The following TAFA4 variants were observed in gnomAD, a reference collection of about 807,000 sequenced individuals.
The protein encoded by TAFA4 is TAFA chemokine like family member 4.
In TAFA4, 20 loss-of-function variants were observed where a neutral mutation model predicts 21.1. The ratio of observed to expected loss-of-function variants is 0.95; its 90% CI spans 0.67 to 1.38. The LOEUF (loss-of-function observed/expected upper bound fraction) is 1.38. TAFA4 is among the 40% of genes most tolerant of loss of function. The pLI is 0.00. For missense variants in TAFA4, 211 were observed against 180.9 expected, an observed-to-expected ratio of 1.17 and a Z score of -0.95; for synonymous variants, 71 against 67.4, an observed-to-expected ratio of 1.05 and a Z score of -0.26.
chr3:68,872,088 A>G (rs1575651360), intron 3 of TAFA4, among the ~76,000 whole-genome samples: 1 of 152,150 alleles, frequency 6.6e-6, no homozygotes, highest in Admixed American at 6.6e-5. Flanking sequence ...TATCAAGGAG[A>G]TAACTATACT....
In TAFA4 at chr3:68,925,044, C is replaced by T. The variant is rs528618798; in HGVS notation, c.-123+7196G>A. On this transcript the variant is annotated intron_variant, in intron 1 of 5. Coordinates refer to ENST00000295569, the MANE Select transcript of TAFA4 (RefSeq NM_182522.5). The stretch of plus-strand genomic sequence containing the variant: ...CAAGGGGCAGACTCACAGCCATCCT[C>T]TGGCTTGCTTAATGGAGTTCCGTGC... Among the ~76,000 whole-genome samples the T allele has an allele frequency of 3.3e-5, 5 of 152,326 alleles. No homozygotes were observed. The East Asian group carries it at 9.6e-4, about 29-fold the overall frequency.
chr3:68,744,779 G>A (rs944262895), intron 4 of TAFA4, among the ~76,000 whole-genome samples: 1 of 152,074 alleles, frequency 6.6e-6, no homozygotes, highest in African/African-American at 2.4e-5. Flanking sequence ...AATTTAAAAA[G>A]GAAACCTGAA....
chr3:68,869,488 C>T (rs2089458268), intron 3 of TAFA4, among the ~76,000 whole-genome samples: 1 of 151,938 alleles, frequency 6.6e-6, no homozygotes, highest in South Asian at 2.1e-4. Flanking sequence ...AATTCAATGA[C>T]ACAATAAAAA....
chr3:68,807,166 T>TTTC (rs1703719264), intron 3 of TAFA4, among the ~76,000 whole-genome samples: 1 of 152,232 alleles, frequency 6.6e-6, no homozygotes. Context: ...GGCTAGTGAC[T>TTTC]TGAATCATGT....
intron 3 of TAFA4, among the ~76,000 whole-genome samples, chr3:68,792,658 T>C (rs1340338185): frequency 2.0e-5 from 3 of 152,200 alleles, no homozygotes; most frequent in Non-Finnish European, 4.4e-5. Context: ...TGCCCTGCTG[T>C]TCATTGACAA....
intron 1 of TAFA4, among the ~76,000 whole-genome samples, chr3:68,904,646 G>T (rs974126989): frequency 2.0e-5 from 3 of 152,170 alleles, no homozygotes; most frequent in Non-Finnish European, 4.4e-5. Context: ...AAGAATGCAT[G>T]ATCAAGACTG....
intron 3 of TAFA4, among the ~76,000 whole-genome samples, chr3:68,778,550 G>T (rs1047385714): frequency 2.0e-5 from 3 of 152,178 alleles, no homozygotes; most frequent in Non-Finnish European, 1.5e-5. Context: ...AATCATGGGG[G>T]TATGTCTTTC....
chr3:68,881,572 G>A (rs1037891265), intron 2 of TAFA4, among the ~76,000 whole-genome samples: 1 of 152,154 alleles, frequency 6.6e-6, no homozygotes, highest in African/African-American at 2.4e-5. Context: ...TAAGTAGATA[G>A]AACTCGATTA....
intron 3 of TAFA4, among the ~76,000 whole-genome samples, chr3:68,804,026 G>C (rs1559526233): frequency 1.3e-5 from 2 of 151,874 alleles, no homozygotes. Context: ...GACCTCAGGT[G>C]ATCCACCTGC....
At chr3:68,894,575 T>C (rs1056516867) in intron 1 of TAFA4, among the ~76,000 whole-genome samples, 2 of 152,194 alleles carry the variant, frequency 1.3e-5, no homozygotes, top group Admixed American at 1.3e-4. Context: ...TACTGGGACA[T>C]GCTGGGGGAA....
At chr3:68,844,120 G>C (rs1704732071) in intron 3 of TAFA4, among the ~76,000 whole-genome samples, 1 of 152,174 alleles carries the variant, frequency 6.6e-6, no homozygotes, top group Non-Finnish European at 1.5e-5. Context: ...ACCTCTGGTA[G>C]AATTTGGCAG....
At chr3:68,739,729 G>A (rs1320363340) in intron 4 of TAFA4, among the ~76,000 whole-genome samples, 3 of 152,168 alleles carry the variant, frequency 2.0e-5, no homozygotes, top group African/African-American at 7.2e-5. Context: ...ACAGCACCAT[G>A]GATGGAACTG....
chr3:68,850,385 G>A (rs1398804695), intron 3 of TAFA4, among the ~76,000 whole-genome samples: 1 of 151,946 alleles, frequency 6.6e-6, no homozygotes, highest in Non-Finnish European at 1.5e-5. Context: ...TCTTAGTGAG[G>A]GACAAAACAG....
chr3:68,764,868 T>C (rs958753598), intron 3 of TAFA4, among the ~76,000 whole-genome samples: 23 of 152,092 alleles, frequency 1.5e-4, no homozygotes, highest in African/African-American at 5.3e-4. Flanking sequence ...CAAAAAACTC[T>C]CCATTTGGAG....
intron 3 of TAFA4, among the ~76,000 whole-genome samples, chr3:68,826,521 C>T (rs867979408): frequency 6.0e-5 from 9 of 149,086 alleles, no homozygotes; most frequent in African/African-American, 1.0e-4. Flanking sequence ...TGCAGTGAGC[C>T]GAGATCGCGC....
intron 3 of TAFA4, among the ~76,000 whole-genome samples, chr3:68,834,718 T>C (rs1329886570): frequency 6.6e-6 from 1 of 152,066 alleles, no homozygotes; most frequent in Non-Finnish European, 1.5e-5. Context: ...ACGGGCATCC[T>C]CCTTGATTCC....
chr3:68,918,132 T>TACACACACACAC (rs71618251), intron 1 of TAFA4, among the ~76,000 whole-genome samples: 181 of 148,926 alleles, frequency 1.2e-3, no homozygotes, highest in African/African-American at 3.9e-3. Context: ...CAGACACACA[T>TACACACACACAC]ACACACACAC....
intron 3 of TAFA4, among the ~76,000 whole-genome samples, chr3:68,801,751 A>T (rs1013033785): frequency 6.6e-6 from 1 of 152,190 alleles, no homozygotes; most frequent in African/African-American, 2.4e-5. Flanking sequence ...AAAAATGACC[A>T]CTTAAAAATG....
At chr3:68,912,850 A>G (rs2089972934) in intron 1 of TAFA4, among the ~76,000 whole-genome samples, 1 of 152,166 alleles carries the variant, frequency 6.6e-6, no homozygotes. Context: ...GTTTTCTAGT[A>G]TTTTCCTCTA....
Sources: allele counts gnomAD v4.1 joint callset (sites outside exome capture counted in the v4.1 genomes callset), GRCh38; gene constraint gnomAD v4.1.1; transcripts MANE v1.5; gene names NCBI Gene and HGNC (gene_info 2026-07-23, HGNC 2026-07-21).